The following UBE2QL1 variants were observed in gnomAD, a reference collection of about 807,000 sequenced individuals.
UBE2QL1 encodes ubiquitin-conjugating enzyme E2Q-like protein 1.
Under a neutral mutation model 12.6 loss-of-function variants are expected in UBE2QL1, and 5 were observed. The observed-to-expected ratio is 0.40, with a 90% CI of 0.21 to 0.83. The LOEUF (loss-of-function observed/expected upper bound fraction) is 0.83. Ranked by LOEUF, UBE2QL1 falls within the 40% of genes least tolerant of loss-of-function variation. The pLI is 0.37. For synonymous variants in UBE2QL1, 96 were observed against 94.5 expected (o/e 1.02, Z -0.10); for missense variants, 99 against 222.6 (o/e 0.44, Z 3.53).
At position 6,491,675 on chromosome 5, in the gene UBE2QL1, C is replaced by G. The variant is rs1271196830; in HGVS notation, c.*326C>G. On this transcript the variant is annotated 3_prime_UTR_variant, in exon 2 of 2. Transcript: ENST00000399816. Reference sequence around the variant, plus strand: ...TGCCCTGAGCTTCTTTCCATGACAGCAGCTCCGACGAGCCGGCAGGAAACT... The same window carrying G: ...TGCCCTGAGCTTCTTTCCATGACAGGAGCTCCGACGAGCCGGCAGGAAACT... 5.5e-6 allele frequency: 1 copy of G among 183,486 alleles called. No homozygotes were observed. Among genetic ancestry groups the G allele is most frequent in the African/African-American group, 2.3e-5 (1 of 42,596 alleles). 11.4% of individuals were successfully genotyped at this position (183,486 alleles called of 1,614,324 possible). A position where few individuals can be genotyped will look rare whatever the true frequency, so the allele number is the denominator to read the frequency against.
At chr5:6,463,666 C>T (rs1399141098) in intron 1 of UBE2QL1, among the ~76,000 whole-genome samples, 3 of 149,568 alleles carry the variant, frequency 2.0e-5, no homozygotes, top group Non-Finnish European at 3.0e-5. Context: ...CTTGCTCTGT[C>T]GCCCAGGCTG....
intron 1 of UBE2QL1, 25 bp downstream of exon 1, chr5:6,449,272 G>A: frequency 7.4e-7 from 1 of 1,356,194 alleles, no homozygotes. Flanking sequence ...CCGGGGCTGG[G>A]GGCGCGGGGC....
intron 1 of UBE2QL1, 59 bp from the exon 2 acceptor site, chr5:6,491,158 TG>T (rs1734560486): frequency 6.8e-7 from 1 of 1,465,850 alleles, no homozygotes; most frequent in African/African-American, 1.4e-5. Context: ...TTAATAAAGA[TG>T]GTAGGAAACA....
At chr5:6,459,318 T>C (rs1189756067) in intron 1 of UBE2QL1, among the ~76,000 whole-genome samples, 1 of 152,214 alleles carries the variant, frequency 6.6e-6, no homozygotes, top group East Asian at 1.9e-4. Flanking sequence ...TGGAACTGAA[T>C]TGAATTAAAG....
At chr5:6,456,842 G>A (rs1379466572) in intron 1 of UBE2QL1, among the ~76,000 whole-genome samples, 1 of 152,152 alleles carries the variant, frequency 6.6e-6, no homozygotes, top group African/African-American at 2.4e-5. Context: ...GCAGAAGCCA[G>A]AAGAAGCTGC....
Position 6,491,359 on chromosome 5 carries a change from C to T in UBE2QL1, c.*10C>T, listed in dbSNP as rs765401284. 1.4e-5 allele frequency: 22 copies of T among 1,546,646 alleles called. No homozygotes were observed. Among genetic ancestry groups the T allele is most frequent in the Middle Eastern group, 1.7e-4 (1 of 5,766 alleles). On this transcript the variant is annotated 3_prime_UTR_variant, in exon 2 of 2. Transcript: ENST00000399816. ...CGTGTCCGACGGCTGATGTCTGCCA[C>T]GTGCAGTAGACGCTCGAGCGCCTGT...
At chr5:6,457,994 T>C (rs1297938892) in intron 1 of UBE2QL1, among the ~76,000 whole-genome samples, 1 of 152,244 alleles carries the variant, frequency 6.6e-6, no homozygotes, top group East Asian at 1.9e-4. Flanking sequence ...GCTCCTTGTA[T>C]TGATTGAGCA....
At chr5:6,489,381 G>A (rs111671427) in intron 1 of UBE2QL1, among the ~76,000 whole-genome samples, 29,426 of 151,412 alleles carry the variant, frequency 0.19, 6,308 homozygotes, top group African/African-American at 0.53. Context: ...CTACGATCGC[G>A]CCACTGCACT....
chr5:6,449,346 T>TTTTTTAATGATA, intron 1 of UBE2QL1, 99 bp downstream of exon 1: 1 of 1,144,138 alleles, frequency 8.7e-7, no homozygotes, highest in Non-Finnish European at 1.1e-6. Flanking sequence ...CGCCGGCCCC[T>TTTTTTAATGATA]CCGGCCATCT....
At position 6,461,640 on chromosome 5, in the gene UBE2QL1, G is replaced by T. The variant is rs1261839115; in HGVS notation, c.354+12393G>T. On this transcript the variant is annotated intron_variant, in intron 1 of 1. Transcript: ENST00000399816. ...TCTAAATCAGTTCCTGGGCCTGGGT[G>T]GTGTTGCCATAACTACTGATCTAGG... Among the ~76,000 whole-genome samples, 3 of 150,318 alleles carry T rather than the reference G, an allele frequency of 2.0e-5. No individual in the cohort carries two copies. The East Asian group carries it at 5.8e-4, about 29-fold the overall frequency.
Position 6,491,439 on chromosome 5 carries a change from T to G in UBE2QL1, c.*90T>G. ...CTCAATGCTGTGCATCCTCCACCCG[T>G]TTTTACTCCAGCCAGAACTGCATCC... On this transcript the variant is annotated 3_prime_UTR_variant, in exon 2 of 2. Coordinates refer to ENST00000399816, the MANE Select transcript of UBE2QL1 (RefSeq NM_001145161.3). 7.0e-7 allele frequency: 1 copy of G among 1,424,218 alleles called. No homozygotes were observed. The highest frequency in any genetic ancestry group is 9.2e-7 in the Non-Finnish European group (1 of 1,084,532). The allele number at this position is 1,424,218 out of a possible 1,614,324, so 88.2% of individuals were successfully genotyped here. A position where few individuals can be genotyped will look rare whatever the true frequency, so the allele number is the denominator to read the frequency against.
At chr5:6,474,313 G>A (rs1199114203) in intron 1 of UBE2QL1, among the ~76,000 whole-genome samples, 2 of 152,320 alleles carry the variant, frequency 1.3e-5, no homozygotes, top group East Asian at 3.9e-4. Flanking sequence ...ATTGGAGTGG[G>A]GCATGCTATA....
intron 1 of UBE2QL1, among the ~76,000 whole-genome samples, chr5:6,474,618 G>A (rs981403702): frequency 6.6e-6 from 1 of 152,306 alleles, no homozygotes; most frequent in Admixed American, 6.5e-5. Flanking sequence ...TTTGGAAAAT[G>A]GTAACATGCA....
In UBE2QL1 at chr5:6,452,463, T is replaced by A. The variant is rs201618417; in HGVS notation, c.354+3216T>A. ...GAGGCATTTTTAGGTAACTCTTAGT[T>A]TTTTATAATTGGATTTTAAAACTCT... is the stretch of plus-strand genomic sequence containing the variant. On this transcript the variant is annotated intron_variant, in intron 1 of 1. Transcript: ENST00000399816. Among the ~76,000 whole-genome samples, 3,133 of 152,324 alleles carry A rather than the reference T, an allele frequency of 0.021. 163 individuals carry two copies. The East Asian group carries it at 0.22, about 11-fold the overall frequency.
At chr5:6,483,394 G>A (rs919401401) in intron 1 of UBE2QL1, among the ~76,000 whole-genome samples, 4 of 151,960 alleles carry the variant, frequency 2.6e-5, no homozygotes, top group Non-Finnish European at 4.4e-5. Flanking sequence ...AGCCAAGATC[G>A]TGCCACTGCA....
rs766389779 is a variant in UBE2QL1 at position 6,495,159 on chromosome 5, C to T, written c.*3810C>T. 8.5e-5 allele frequency among the ~76,000 whole-genome samples: 13 copies of T among 152,098 alleles called. No individual in the cohort carries two copies. Among genetic ancestry groups the T allele is most frequent in the Non-Finnish European group, 1.3e-4 (9 of 68,026 alleles). On this transcript the variant is annotated 3_prime_UTR_variant, in exon 2 of 2. Transcript: ENST00000399816. ...GGACTCTGTCCTCACTGGCCCTGAACGGGAGAACTGGAGTCCCCTTGCCAC... is the reference window on the plus strand; with the variant it reads ...GGACTCTGTCCTCACTGGCCCTGAATGGGAGAACTGGAGTCCCCTTGCCAC...
rs558301881 is a variant in UBE2QL1, at chr5:6,477,183, G to A, written c.355-14035G>A. Among the ~76,000 whole-genome samples, 42 of 152,282 alleles carry A rather than the reference G, an allele frequency of 2.8e-4. 1 individual carries two copies. The South Asian group carries it at 8.1e-3, about 29-fold the overall frequency. On this transcript the variant is annotated intron_variant, in intron 1 of 1. Coordinates refer to ENST00000399816, the MANE Select transcript of UBE2QL1 (RefSeq NM_001145161.3). ...TGTGCTTCTCCATCCTGACCTCCAC[G>A]TGCCCCCCAGGCCTCACTGGGCCTC...
rs114815867 is a variant in UBE2QL1, at chr5:6,452,562, C to T, written c.354+3315C>T. Among the ~76,000 whole-genome samples, 543 of 152,238 alleles carry T rather than the reference C, an allele frequency of 3.6e-3. 4 individuals carry two copies. Among genetic ancestry groups the T allele is most frequent in the African/African-American group, 0.013 (526 of 41,536 alleles). On this transcript the variant is annotated intron_variant, in intron 1 of 1. Transcript: ENST00000399816. Reference sequence around the variant, plus strand: ...AATTATTTGCATCCTTTATTAGTTACTGAACCAAAAGAATACAACCCACAG... The same window carrying T: ...AATTATTTGCATCCTTTATTAGTTATTGAACCAAAAGAATACAACCCACAG...
rs1025635953 is a variant in UBE2QL1, at chr5:6,449,252, G to A, written c.354+5G>A. ...GCCAGCCTGGTCAAGGGCCAGGTAA[G>A]GCGAGCGCGCCGGGGCTGGGGGCGC... On this transcript the variant is annotated splice_donor_5th_base_variant and intron_variant, in intron 1 of 1. Transcript: ENST00000399816. 86 of 1,389,608 alleles carry A rather than the reference G, an allele frequency of 6.2e-5. No individual in the cohort carries two copies. Among genetic ancestry groups the A allele is most frequent in the Admixed American group, 9.0e-5 (3 of 33,264 alleles). 86.1% of individuals were successfully genotyped at this position (1,389,608 alleles called of 1,614,324 possible).
Sources: gnomAD v4.1 joint callset for allele counts (sites outside exome capture counted in the v4.1 genomes callset) on GRCh38, gnomAD v4.1.1 for gene constraint, MANE v1.5 for transcripts, NCBI Gene and HGNC (gene_info 2026-07-23, HGNC 2026-07-21) for gene names.